Variants in HDGFL3 observed in about 807,000 individuals in gnomAD.
HDGFL3 encodes hepatoma-derived growth factor-related protein 3.
HDGFL3 carries 6 observed loss-of-function variants against 27.6 expected under a neutral mutation model. The ratio of observed to expected loss-of-function variants is 0.22; its 90% CI spans 0.12 to 0.43. HDGFL3 has a LOEUF of 0.43. Ranked by LOEUF, HDGFL3 falls within the 20% of genes least tolerant of loss-of-function variation. HDGFL3 has a pLI of 1.00. For missense variants in HDGFL3, 207 were observed against 250.1 expected (o/e 0.83, Z 1.16); for synonymous variants, 88 against 88.9 (o/e 0.99, Z 0.05).
rs1197069330 is a variant in HDGFL3, at chr15:83,131,619, C to T, written c.*7651G>A. 6.6e-6 allele frequency: 1 copy of T among 152,174 alleles called. No individual in the cohort carries two copies. The highest frequency in any genetic ancestry group is 1.5e-5 in the Non-Finnish European group (1 of 68,224). The allele number at this position is 152,174 out of a possible 1,614,324, so 9.4% of individuals were successfully genotyped here. On this transcript the variant is annotated 3_prime_UTR_variant, in exon 6 of 6. Coordinates refer to ENST00000299633, the MANE Select transcript of HDGFL3 (RefSeq NM_016073.4). ...CTACACTGCAGCCTGGGTGACAGAG[C>T]AAGACTGTCTCAAAAAAAAGAAAGA...
intron 1 of HDGFL3, among the ~76,000 whole-genome samples, chr15:83,186,973 T>A (rs1022847610): frequency 2.0e-5 from 3 of 152,162 alleles, no homozygotes; most frequent in Non-Finnish European, 2.9e-5. Context: ...ATTCTCCATC[T>A]GAACCAGCAA....
chr15:83,177,073 A>G (rs2037321830), intron 1 of HDGFL3, among the ~76,000 whole-genome samples: 1 of 152,076 alleles, frequency 6.6e-6, no homozygotes, highest in Non-Finnish European at 1.5e-5. Context: ...ACGTGTCACT[A>G]TGCCTGGCTA....
intron 1 of HDGFL3, among the ~76,000 whole-genome samples, chr15:83,203,885 A>G (rs1452399814): frequency 6.6e-6 from 1 of 150,972 alleles, no homozygotes; most frequent in African/African-American, 2.4e-5. Flanking sequence ...GTATGCTCAA[A>G]TTATTTTACC....
At chr15:83,125,328 T>A (rs1326051289), downstream of HDGFL3, among the ~76,000 whole-genome samples, 1 of 152,158 alleles carries the variant, frequency 6.6e-6, no homozygotes, top group East Asian at 1.9e-4. Flanking sequence ...GCATTTCATG[T>A]TTTCTATTTT....
intron 2 of HDGFL3, 30 bp downstream of exon 2, chr15:83,163,969 G>C (rs372360036): frequency 1.9e-5 from 27 of 1,427,262 alleles, no homozygotes; most frequent in Middle Eastern, 3.5e-4. Flanking sequence ...AGTCAAGCTA[G>C]AGCTGTTGAA....
chr15:83,178,934 T>C (rs1323851721), intron 1 of HDGFL3, among the ~76,000 whole-genome samples: 1 of 152,160 alleles, frequency 6.6e-6, no homozygotes, highest in African/African-American at 2.4e-5. Context: ...TAGTGTTGTC[T>C]TGTCAGGAGA....
chr15:83,116,012 C>A, intron 3 of HDGFL3: 2 of 1,191,622 alleles, frequency 1.7e-6, no homozygotes, highest in South Asian at 1.2e-5. Flanking sequence ...TACTCAGAGA[C>A]AGAAATCCTC....
chr15:83,191,548 C>T (rs1011202608), intron 1 of HDGFL3, among the ~76,000 whole-genome samples: 1 of 152,042 alleles, frequency 6.6e-6, no homozygotes, highest in Non-Finnish European at 1.5e-5. Context: ...TCTGTTTGTC[C>T]CAATTTTTTA....
intron 1 of HDGFL3, among the ~76,000 whole-genome samples, chr15:83,177,555 GTTAGA>G (rs932402495): frequency 3.3e-5 from 5 of 152,146 alleles, no homozygotes; most frequent in Non-Finnish European, 5.9e-5. Context: ...TCTGTAGTTT[GTTAGA>G]TTAAACATCA....
intron 4 of HDGFL3, among the ~76,000 whole-genome samples, chr15:83,156,701 CT>C (rs963018911): frequency 2.7e-5 from 4 of 148,954 alleles, no homozygotes; most frequent in Non-Finnish European, 4.5e-5. Context: ...TGATGCATTT[CT>C]TTTTTTTTTG....
At chr15:83,127,152 CCA>C (rs2035838253), downstream of HDGFL3, among the ~76,000 whole-genome samples, 1 of 151,300 alleles carries the variant, frequency 6.6e-6, no homozygotes, top group Non-Finnish European at 1.5e-5. Context: ...CGAGATTGCG[CCA>C]CTGCACTCCA....
intron 5 of HDGFL3, among the ~76,000 whole-genome samples, chr15:83,145,899 T>C (rs1371656153): frequency 9.5e-4 from 3 of 3,142 alleles, no homozygotes; most frequent in African/African-American, 4.8e-3. Context: ...TCTTCTTCCT[T>C]TTTTTTTTTT....
At chr15:83,177,010 T>G (rs905826320) in intron 1 of HDGFL3, among the ~76,000 whole-genome samples, 9 of 100,864 alleles carry the variant, frequency 8.9e-5, no homozygotes, top group African/African-American at 5.1e-4. Context: ...CTCCGGCTCC[T>G]GGGTCCAAGC....
At chr15:83,158,213 G>A (rs772394732) in intron 2 of HDGFL3, among the ~76,000 whole-genome samples, 172 bp from the exon 3 acceptor site, 14 of 152,164 alleles carry the variant, frequency 9.2e-5, no homozygotes, top group Non-Finnish European at 1.6e-4. Flanking sequence ...CATACTTCAA[G>A]GCAGAAAAAA....
chr15:83,187,255 T>C (rs1339517165), intron 1 of HDGFL3, among the ~76,000 whole-genome samples: 2 of 152,050 alleles, frequency 1.3e-5, no homozygotes, highest in African/African-American at 4.8e-5. Flanking sequence ...CTTCCTCAGG[T>C]AATCACTACT....
intron 1 of HDGFL3, among the ~76,000 whole-genome samples, chr15:83,193,653 G>A (rs2037538353): frequency 6.6e-6 from 1 of 152,216 alleles, no homozygotes; most frequent in South Asian, 2.1e-4. Flanking sequence ...ACCTACCAGT[G>A]CCATGTCAAT....
At chr15:83,191,492 T>C (rs2151420111) in intron 1 of HDGFL3, among the ~76,000 whole-genome samples, 1 of 152,330 alleles carries the variant, frequency 6.6e-6, no homozygotes, top group Non-Finnish European at 1.5e-5. Flanking sequence ...AATCCAAAGA[T>C]ATAATCCAAA....
chr15:83,155,244 C>G (rs1196265336), intron 4 of HDGFL3, among the ~76,000 whole-genome samples: 1 of 152,202 alleles, frequency 6.6e-6, no homozygotes, highest in East Asian at 1.9e-4. Flanking sequence ...AATAGATAAA[C>G]ATTAGTAAGC....
rs2037548860 is a variant in HDGFL3 at position 83,194,667 on chromosome 15, G to C, written c.84+12664C>G. Reference sequence around the variant, plus strand: ...TACCTAAAATAAATTCAGGGTTTCTGCCTAATTGTCAAAGTGGTTAGTGTG... The same window carrying C: ...TACCTAAAATAAATTCAGGGTTTCTCCCTAATTGTCAAAGTGGTTAGTGTG... On this transcript the variant is annotated intron_variant, in intron 1 of 5. Coordinates refer to ENST00000299633, the MANE Select transcript of HDGFL3 (RefSeq NM_016073.4). 1.3e-5 allele frequency among the ~76,000 whole-genome samples: 2 copies of C among 152,000 alleles called. 1 individual carries two copies. The highest frequency in any genetic ancestry group is 4.2e-4 in the South Asian group (2 of 4,818).
Sources: gnomAD v4.1 joint callset for allele counts (sites outside exome capture counted in the v4.1 genomes callset) on GRCh38, gnomAD v4.1.1 for gene constraint, MANE v1.5 for transcripts, NCBI Gene and HGNC (gene_info 2026-07-23, HGNC 2026-07-21) for gene names.